Variants in CACNA1G observed in about 807,000 individuals in gnomAD.
CACNA1G encodes the protein calcium voltage-gated channel subunit alpha1 G, also known as voltage-dependent T-type calcium channel subunit alpha-1G.
CACNA1G carries 67 observed loss-of-function variants against 219.4 expected under a neutral mutation model. That is an observed-to-expected ratio of 0.31 (90% CI 0.25 to 0.37). The LOEUF (loss-of-function observed/expected upper bound fraction) is 0.37. Among genes scored for constraint, CACNA1G ranks in the 10% least tolerant of loss-of-function variants. The pLI is 1.00. For synonymous variants in CACNA1G, 1,296 were observed against 1,345.3 expected, an observed-to-expected ratio of 0.96 and a Z score of 0.80; for missense variants, 2,380 against 3,231.4, an observed-to-expected ratio of 0.74 and a Z score of 6.39.
chr17:50,601,470 TG>T (rs1459473144), intron 19 of CACNA1G, among the ~76,000 whole-genome samples: 1 of 152,164 alleles, frequency 6.6e-6, no homozygotes, highest in Non-Finnish European at 1.5e-5. Flanking sequence ...CGGGGAGTGC[TG>T]GGGCGGTGCA....
At position 50,600,841 on chromosome 17, in the gene CACNA1G, AG is replaced by A; in HGVS notation, c.3791+19del. On this transcript the variant is annotated intron_variant, in intron 18 of 37. Coordinates refer to ENST00000359106, the MANE Select transcript of CACNA1G (RefSeq NM_018896.5). This position sits in a 1 kb window ranked among gnomAD's most constrained non-coding sequence, Gnocchi z 4.1. Reference sequence around the variant, plus strand: ...CCTCAGTCCAGGTAAGTGACAGGGCAGGGGTCTGACCTGTGTCCCGACCTCT... The same window carrying A: ...CCTCAGTCCAGGTAAGTGACAGGGCAGGGTCTGACCTGTGTCCCGACCTCT... 1 of 1,608,662 alleles carries A rather than the reference AG, an allele frequency of 6.2e-7. No individual in the cohort carries two copies. Among genetic ancestry groups the A allele is most frequent in the Non-Finnish European group, 8.5e-7 (1 of 1,175,244 alleles).
chr17:50,617,637 G>A lies in CACNA1G; in HGVS notation c.5155+66G>A, dbSNP rs1342102725. ...AGCCCAGGGAGAGAGAGCAAGGGTC[G>A]GCTTTGTGGCTGGTCAAGGCCTGGG... On this transcript the variant is annotated intron_variant, in intron 29 of 37. Coordinates refer to ENST00000359106, the MANE Select transcript of CACNA1G (RefSeq NM_018896.5). The surrounding 1 kb of genome is among the most constrained non-coding windows in gnomAD (Gnocchi z 5.8). The A allele has an allele frequency of 4.4e-6, 7 of 1,574,090 alleles. No homozygotes were observed. The East Asian group carries it at 9.1e-5, about 20-fold the overall frequency.
At chr17:50,579,959 C>CT (rs1000532466) in intron 9 of CACNA1G, among the ~76,000 whole-genome samples, 2 of 152,144 alleles carry the variant, frequency 1.3e-5, no homozygotes, top group African/African-American at 4.8e-5. Context: ...CCCCACACCA[C>CT]TGACCTCTGC....
intron 35 of CACNA1G, among the ~76,000 whole-genome samples, chr17:50,623,412 C>T (rs1004299452): frequency 6.6e-6 from 1 of 151,768 alleles, no homozygotes; most frequent in Non-Finnish European, 1.5e-5. Context: ...AGCCACTGTG[C>T]CTGGCCTGCT....
At position 50,616,444 on chromosome 17, in the gene CACNA1G, T is replaced by A. The variant is rs571992414; in HGVS notation, c.5021+60T>A. The A allele has an allele frequency of 1.3e-5, 13 of 1,025,066 alleles. No individual in the cohort carries two copies. In the African/African-American group the frequency reaches 1.7e-4, roughly 14 times the overall value. The allele number at this position is 1,025,066 out of a possible 1,614,324, so 63.5% of individuals were successfully genotyped here. A position where few individuals can be genotyped will look rare whatever the true frequency, so the allele number is the denominator to read the frequency against. ...TAGAGATAGAAAGGAATGAGTCTCT[T>A]GGGGAAATACCCAGGAAGACCTAGT... On this transcript the variant is annotated intron_variant, in intron 28 of 37. Transcript: ENST00000359106.
chr17:50,597,257 C>A (rs1457029934), intron 16 of CACNA1G, among the ~76,000 whole-genome samples: 1 of 152,134 alleles, frequency 6.6e-6, no homozygotes, highest in African/African-American at 2.4e-5. Context: ...TAATAGCAGA[C>A]CCTCATCTAG....
chr17:50,602,692 T>C (rs2046993484), intron 19 of CACNA1G, 128 bp from the exon 20 acceptor site: 2 of 747,124 alleles, frequency 2.7e-6, no homozygotes, highest in South Asian at 3.2e-5. Flanking sequence ...ATCTACATTG[T>C]TGTGGAGGGT....
intron 26 of CACNA1G, among the ~76,000 whole-genome samples, chr17:50,614,845 CAAG>C (rs2050094410): frequency 6.6e-6 from 1 of 152,248 alleles, no homozygotes; most frequent in African/African-American, 2.4e-5. Flanking sequence ...TGCAGCCAGC[CAAG>C]AAGATGTCCA....
chr17:50,573,569 T>C (rs901144785), intron 7 of CACNA1G: 2 of 154,984 alleles, frequency 1.3e-5, no homozygotes, highest in African/African-American at 4.8e-5. Context: ...GAGTTCTGTT[T>C]TTTTGTAAGG....
chr17:50,619,818 G>T lies in CACNA1G; in HGVS notation c.5917G>T (p.Asp1973Tyr). ...TTCTGCCCCCAGCCTGGGAGGCTCC[G>T]ACCCACAGGTTACTGTGCCCCTGTG... ...FPSAPSLGGS[D>Y]PQIPLAEMEA... Residue 1973 changes from aspartate (D) to tyrosine (Y), a missense_variant, in exon 34 of 38, where the codon GAC becomes TAC. Asp to Tyr is a radical substitution (Grantham distance 160, BLOSUM62 -3). Transcript: ENST00000359106. 1.9e-6 allele frequency: 3 copies of T among 1,604,104 alleles called. No individual in the cohort carries two copies. Among genetic ancestry groups the T allele is most frequent in the South Asian group, 1.1e-5 (1 of 89,846 alleles).
Position 50,626,421 on chromosome 17 carries a change from C to T in CACNA1G, c.6804C>T (p.His2268=), listed in dbSNP as rs2053816618. ...CCTGGCTGGATGAGCAGAGGAGACACTCTATCGCCGTCAGCTGCCTGGACA... is the reference window on the plus strand; with the variant it reads ...CCTGGCTGGATGAGCAGAGGAGACATTCTATCGCCGTCAGCTGCCTGGACA... The part of the protein sequence containing the change: ...PTSWLDEQRR[H]SIAVSCLDSG... Residue 2268 remains histidine (H), a synonymous_variant, in exon 38 of 38, where the codon CAC becomes CAT. Transcript: ENST00000359106. This position sits in a 1 kb window ranked among gnomAD's most constrained non-coding sequence, Gnocchi z 4.3. 1.2e-6 allele frequency: 2 copies of T among 1,609,748 alleles called. No homozygotes were observed. Among genetic ancestry groups the T allele is most frequent in the African/African-American group, 1.3e-5 (1 of 74,814 alleles).
chr17:50,599,446 C>A lies in CACNA1G; in HGVS notation c.3277C>A (p.Pro1093Thr). The change falls in exon 17 of 38, where the codon CCG (proline) becomes ACG (threonine). Residue 1093 changes from proline to threonine, a missense_variant. Around this residue, in one of 17 missense-constraint regions of CACNA1G, gnomAD observed 418 missense variants for 434.3 expected, o/e 0.96. Coordinates refer to ENST00000359106, the MANE Select transcript of CACNA1G (RefSeq NM_018896.5). ...CCCACAGCCCAGCGCCCGCAGCTCT[C>A]CGCACAGCCCCTGGAGCGCTGCAAG... is the stretch of plus-strand genomic sequence containing the variant. ...MKSPPSARSS[P>T]HSPWSAASSW... 1 of 1,558,444 alleles carries A rather than the reference C, an allele frequency of 6.4e-7. No homozygotes were observed. Among genetic ancestry groups the A allele is most frequent in the Admixed American group, 1.9e-5 (1 of 52,136 alleles).
At chr17:50,594,916 T>G in intron 13 of CACNA1G, 77 bp from the exon 14 acceptor site, 1 of 1,122,906 alleles carries the variant, frequency 8.9e-7, no homozygotes, top group Non-Finnish European at 1.3e-6. Context: ...CTTCATCCTC[T>G]CTCGACACTG....
chr17:50,596,938 T>G lies in CACNA1G; in HGVS notation c.3258+15T>G, dbSNP rs1185031040. 2 of 1,519,112 alleles carry G rather than the reference T, an allele frequency of 1.3e-6. No individual in the cohort carries two copies. The highest frequency in any genetic ancestry group is 1.8e-6 in the Non-Finnish European group (2 of 1,131,664). The allele number at this position is 1,519,112 out of a possible 1,614,324, so 94.1% of individuals were successfully genotyped here. A position where few individuals can be genotyped will look rare whatever the true frequency, so the allele number is the denominator to read the frequency against. ...TGAAGTCACCGGTAGGGGGTGCATGTGGGTACCCTGATGGTGGGAGATATT... is the reference window on the plus strand; with the variant it reads ...TGAAGTCACCGGTAGGGGGTGCATGGGGGTACCCTGATGGTGGGAGATATT... On this transcript the variant is annotated intron_variant, in intron 16 of 37. Transcript: ENST00000359106. This position sits in a 1 kb window ranked among gnomAD's most constrained non-coding sequence, Gnocchi z 4.8.
chr17:50,597,473 A>G (rs1020312875), intron 16 of CACNA1G, among the ~76,000 whole-genome samples: 2 of 152,168 alleles, frequency 1.3e-5, no homozygotes, highest in Admixed American at 1.3e-4. Context: ...TCATGATTTT[A>G]TTTATTTTTA....
chr17:50,604,165 C>T lies in CACNA1G; in HGVS notation c.4180C>T (p.Arg1394Trp). The change falls in exon 22 of 38, where the codon CGG becomes TGG. Residue 1394 changes from arginine to tryptophan, a missense_variant. Physicochemically the swap from Arg to Trp is moderately radical, Grantham distance 101. Around this residue, in one of 17 missense-constraint regions of CACNA1G, gnomAD observed 153 missense variants for 374.9 expected, o/e 0.41. Transcript: ENST00000359106. ...CCCTCCCCTCCCCAGGGTGATCAGC[C>T]GGGCGCAGGGGCTGAAGCTGGTGGT... ...RTLRPLRVISRAQGLKLVVET... is the reference protein window; with the variant it reads ...RTLRPLRVISWAQGLKLVVET... 6.2e-7 allele frequency: 1 copy of T among 1,613,400 alleles called. No individual in the cohort carries two copies. The highest frequency in any genetic ancestry group is 8.5e-7 in the Non-Finnish European group (1 of 1,179,472).
intron 28 of CACNA1G, among the ~76,000 whole-genome samples, chr17:50,616,850 G>A (rs62059722): frequency 0.037 from 5,505 of 150,466 alleles, 148 homozygotes; most frequent in Middle Eastern, 0.14. Flanking sequence ...GGTGTTTTTC[G>A]TTTTGTTTTG....
In CACNA1G at chr17:50,626,588, C is replaced by T. The variant is rs866616905; in HGVS notation, c.6971C>T (p.Pro2324Leu). 1.1e-5 allele frequency: 18 copies of T among 1,610,264 alleles called. No homozygotes were observed. The highest frequency in any genetic ancestry group is 2.7e-5 in the African/African-American group (2 of 74,730). ...CCCGAGAGCCAAGGTCCTCGGACCCCGCCCAGCCCTGGTATCTGCCTCCGG... is the reference window on the plus strand; with the variant it reads ...CCCGAGAGCCAAGGTCCTCGGACCCTGCCCAGCCCTGGTATCTGCCTCCGG... Reference protein sequence around the residue: ...DPPESQGPRTPPSPGICLRRR... With the variant: ...DPPESQGPRTLPSPGICLRRR... Residue 2324 changes from proline to leucine, a missense_variant, in exon 38 of 38, where the codon CCG (proline) becomes CTG (leucine). By Grantham distance (98) the Pro-to-Leu change is moderately conservative (BLOSUM62 -3). Transcript: ENST00000359106. The surrounding 1 kb of genome is among the most constrained non-coding windows in gnomAD (Gnocchi z 4.3).
chr17:50,590,635 C>A lies in CACNA1G; in HGVS notation c.2453+13C>A. 1 of 1,608,716 alleles carries A rather than the reference C, an allele frequency of 6.2e-7. No homozygotes were observed. The highest frequency in any genetic ancestry group is 8.5e-7 in the Non-Finnish European group (1 of 1,178,104). ...TTGTGGTCATCAGGTATGACTACCC[C>A]CCGGCACTGACTCTCAGTTGAGGAA... On this transcript the variant is annotated intron_variant, in intron 10 of 37. Coordinates refer to ENST00000359106, the MANE Select transcript of CACNA1G (RefSeq NM_018896.5).
Sources: gnomAD v4.1 joint callset for allele counts (sites outside exome capture counted in the v4.1 genomes callset) on GRCh38, gnomAD v4.1.1 for gene constraint, gnomAD v4.1.1 regional missense constraint, Gnocchi (gnomAD v3.1) non-coding constraint, MANE v1.5 for transcripts, NCBI Gene and HGNC (gene_info 2026-07-23, HGNC 2026-07-21) for gene names.